CCDC22: variants seen among roughly 807,000 people sequenced by gnomAD.
CCDC22 encodes the protein CCC complex scaffolding subunit CCDC22.
Under a neutral mutation model 53.1 loss-of-function variants are expected in CCDC22, and 4 were observed. The ratio of observed to expected loss-of-function variants is 0.08; its 90% CI spans 0.04 to 0.17. CCDC22 has a LOEUF of 0.17. CCDC22 is among the 10% of genes least tolerant of loss of function. The pLI is 1.00. For missense variants in CCDC22, 458 were observed against 554.0 expected, an observed-to-expected ratio of 0.83 and a Z score of 1.74; for synonymous variants, 222 against 224.4, an observed-to-expected ratio of 0.99 and a Z score of 0.10.
chrX:49,244,926 CCT>C (rs1483413592), intron 6 of CCDC22, among the ~76,000 whole-genome samples: 1 of 109,456 alleles, frequency 9.1e-6, no homozygotes, highest in Non-Finnish European at 1.9e-5. Context: ...CCCCTCTTCC[CCT>C]CTGTCCACTT....
At chrX:49,238,701 T>C (rs1557113063) in intron 2 of CCDC22, among the ~76,000 whole-genome samples, 1 of 111,848 alleles carries the variant, frequency 8.9e-6, no homozygotes, top group East Asian at 2.8e-4. Flanking sequence ...GCTAGGACTA[T>C]AGGCACATGC....
intron 14 of CCDC22, 90 bp from the exon 15 acceptor site, chrX:49,249,419 G>A (rs1325153150): frequency 1.1e-6 from 1 of 938,901 alleles, no homozygotes; most frequent in African/African-American, 1.9e-5. Flanking sequence ...GATGAAGCTA[G>A]TGGGGTGGTG....
At chrX:49,244,818 G>A (rs1177857004) in intron 6 of CCDC22, among the ~76,000 whole-genome samples, 1 of 111,692 alleles carries the variant, frequency 9.0e-6, no homozygotes, top group Non-Finnish European at 1.9e-5. Context: ...GCCTTCCAAA[G>A]TGCTGGGATT....
chrX:49,247,595 C>T, intron 8 of CCDC22, 37 bp downstream of exon 8: 1 of 1,187,151 alleles, frequency 8.4e-7, no homozygotes, highest in East Asian at 3.1e-5. Flanking sequence ...GTCCCAGGCC[C>T]TTGCTTGTCT....
In CCDC22 at chrX:49,249,841, C is replaced by T. The variant is rs782410992; in HGVS notation, c.1770+116C>T. On this transcript the variant is annotated intron_variant, in intron 16 of 16. Coordinates refer to ENST00000376227, the MANE Select transcript of CCDC22 (RefSeq NM_014008.5). Reference sequence around the variant, plus strand: ...CCGATGGCTGGACACCCAGCCCTGCCCCTTAGTGCCTGTGACCTGGGACAG... The same window carrying T: ...CCGATGGCTGGACACCCAGCCCTGCTCCTTAGTGCCTGTGACCTGGGACAG... 9.4e-5 allele frequency: 60 copies of T among 639,975 alleles called. 1 individual carries two copies. The East Asian group carries it at 1.9e-3, about 21-fold the overall frequency. The allele number at this position is 639,975 out of a possible 1,213,427, so 52.7% of individuals were successfully genotyped here.
In CCDC22 at chrX:49,243,191, A is replaced by G. The variant is rs1557113652; in HGVS notation, c.535+7A>G. ...GAATTGAGTTCCAGAGGTGGTGAGC[A>G]TGAGGCTGTGGGGAGGGGTGAGGAG... On this transcript the variant is annotated splice_region_variant and intron_variant, in intron 5 of 16. Transcript: ENST00000376227. The G allele has an allele frequency of 1.7e-6, 2 of 1,208,969 alleles. No individual in the cohort carries two copies. The highest frequency in any genetic ancestry group is 3.5e-5 in the African/African-American group (2 of 57,274).
intron 6 of CCDC22, among the ~76,000 whole-genome samples, chrX:49,245,221 C>T (rs782123688): frequency 5.4e-5 from 6 of 110,291 alleles, no homozygotes; most frequent in African/African-American, 1.6e-4. Flanking sequence ...CTGTCTGCCT[C>T]TTTATCTGTC....
chrX:49,249,787 G>C (rs1210163186), intron 16 of CCDC22, 62 bp downstream of exon 16: 1 of 938,474 alleles, frequency 1.1e-6, no homozygotes, highest in African/African-American at 1.9e-5. Flanking sequence ...CTCAGGTTAT[G>C]CTGACAGAGG....
At position 49,246,878 on chromosome X, in the gene CCDC22, C is replaced by T. The variant is rs2065992994; in HGVS notation, c.862C>T (p.Pro288Ser). 8.3e-7 allele frequency: 1 copy of T among 1,200,513 alleles called. No individual in the cohort carries two copies. The highest frequency in any genetic ancestry group is 1.1e-6 in the Non-Finnish European group (1 of 889,677). ...AWGAGAKTGA[P>S]KGSRFTHSEK... ...GGGTGCTGGGGCCAAGACTGGTGCT[C>T]CTAAGGGCTCCCGCTTCACGCACTC... Residue 288 changes from proline to serine, a missense_variant, in exon 7 of 17, where the codon CCT (proline) becomes TCT (serine). This residue lies in a region of CCDC22 where 309 missense variants were observed against 312.3 expected (regional missense o/e 0.99). Coordinates refer to ENST00000376227, the MANE Select transcript of CCDC22 (RefSeq NM_014008.5).
intron 6 of CCDC22, among the ~76,000 whole-genome samples, chrX:49,244,571 T>G (rs1400240434): frequency 1.8e-5 from 2 of 109,429 alleles, no homozygotes; most frequent in African/African-American, 6.7e-5. Context: ...CTCTTCTTCT[T>G]TTTTTTTGAG....
At chrX:49,237,561 T>G (rs2065943660) in intron 2 of CCDC22, among the ~76,000 whole-genome samples, 1 of 111,338 alleles carries the variant, frequency 9.0e-6, no homozygotes, top group Non-Finnish European at 1.9e-5. Context: ...ATGTAGTGCT[T>G]TTATGAGGAG....
chrX:49,237,199 C>A lies in CCDC22; in HGVS notation c.164C>A (p.Pro55His). ...INPAVGSGLS[P>H]LLPLAMSARF... ...CCTGCGGTGGGCTCTGGCCTCAGCCCTCTGCTGCCTCTTGCCATGTCTGCC... is the reference window on the plus strand; with the variant it reads ...CCTGCGGTGGGCTCTGGCCTCAGCCATCTGCTGCCTCTTGCCATGTCTGCC... The change falls in exon 2 of 17, where the codon CCT (proline) becomes CAT (histidine). Residue 55 changes from proline (P) to histidine (H), a missense_variant. Physicochemically the swap from Pro to His is moderately conservative, Grantham distance 77. Coordinates refer to ENST00000376227, the MANE Select transcript of CCDC22 (RefSeq NM_014008.5). 1 of 1,211,700 alleles carries A rather than the reference C, an allele frequency of 8.3e-7. No homozygotes were observed. The highest frequency in any genetic ancestry group is 1.1e-6 in the Non-Finnish European group (1 of 895,437).
chrX:49,249,187 G>A lies in CCDC22; in HGVS notation c.1560G>A (p.Glu520=). 2.5e-6 allele frequency: 3 copies of A among 1,210,216 alleles called. No individual in the cohort carries two copies. The highest frequency in any genetic ancestry group is 3.4e-6 in the Non-Finnish European group (3 of 893,899). Residue 520 remains glutamate (E), a synonymous_variant, in exon 14 of 17, where the codon GAG becomes GAA. Transcript: ENST00000376227. ...EITKILSDTK[E]LQKEINSLSG... is the part of the protein sequence containing the mutation. ...GCCAGATCTTGTCTGATACGAAGGA[G>A]CTTCAGAAGGAAATCAACTCCCTAT...
At chrX:49,249,806 C>A in intron 16 of CCDC22, 81 bp downstream of exon 16, 2 of 835,043 alleles carry the variant, frequency 2.4e-6, no homozygotes, top group Non-Finnish European at 3.5e-6. Context: ...GGCTGTGGAG[C>A]CACACACAGC....
rs782617563 is a variant in CCDC22 at position 49,248,779 on chromosome X, G to A, written c.1432-38G>A. On this transcript the variant is annotated intron_variant, in intron 12 of 16. Coordinates refer to ENST00000376227, the MANE Select transcript of CCDC22 (RefSeq NM_014008.5). The stretch of plus-strand genomic sequence containing the variant: ...CCTGGGTAGCTTAGGAGGGTGGGGG[G>A]ATGGTCCTGGGGCAGTGCCTGCTAT... The A allele has an allele frequency of 3.2e-5, 38 of 1,204,189 alleles. 1 individual carries two copies. The South Asian group carries it at 3.2e-4, about 10-fold the overall frequency.
At chrX:49,242,220 G>A in intron 3 of CCDC22, 72 bp downstream of exon 3, 12 of 1,186,811 alleles carry the variant, frequency 1.0e-5, no homozygotes, top group Non-Finnish European at 1.2e-5. Context: ...GTAGGGCTGA[G>A]AGAGGTAGAG....
At chrX:49,237,552 T>A (rs1162566647) in intron 2 of CCDC22, among the ~76,000 whole-genome samples, 1 of 111,530 alleles carries the variant, frequency 9.0e-6, no homozygotes, top group East Asian at 2.8e-4. Context: ...AGATGATAAA[T>A]GTAGTGCTTT....
chrX:49,246,041 A>C (rs2065988267), intron 6 of CCDC22, among the ~76,000 whole-genome samples: 1 of 108,061 alleles, frequency 9.3e-6, no homozygotes, highest in African/African-American at 3.4e-5. Flanking sequence ...GCTGGAGTGC[A>C]ATGGCGTGAT....
rs1569529205 is a variant in CCDC22 at position 49,242,074 on chromosome X, A to C, written c.287A>C (p.Asp96Ala). ...YQNFLYPSEP[D>A]LRDLLLFLAE... The stretch of plus-strand genomic sequence containing the variant: ...AACTTCCTCTACCCCAGTGAGCCTG[A>C]CCTCCGAGACCTGCTTCTCTTCTTG... Residue 96 changes from aspartate to alanine, a missense_variant, in exon 3 of 17, where the codon GAC becomes GCC. Asp to Ala is a moderately radical substitution (Grantham distance 126). Around this residue, in one of 4 missense-constraint regions of CCDC22, gnomAD observed 55 missense variants for 106.0 expected, o/e 0.52. Coordinates refer to ENST00000376227, the MANE Select transcript of CCDC22 (RefSeq NM_014008.5). The C allele has an allele frequency of 8.3e-7, 1 of 1,207,213 alleles. No homozygotes were observed. The highest frequency in any genetic ancestry group is 1.8e-5 in the South Asian group (1 of 56,462).
Sources: gnomAD v4.1 joint callset for allele counts (sites outside exome capture counted in the v4.1 genomes callset) on GRCh38, gnomAD v4.1.1 for gene constraint, gnomAD v4.1.1 regional missense constraint, MANE v1.5 for transcripts, NCBI Gene and HGNC (gene_info 2026-07-23, HGNC 2026-07-21) for gene names.